The following ACVR1C variants were observed in gnomAD, a reference collection of about 807,000 sequenced individuals.
The protein encoded by ACVR1C is activin A receptor type 1C, also known as activin receptor type-1C.
In ACVR1C, 23 loss-of-function variants were observed where a neutral mutation model predicts 57.9. The observed-to-expected ratio is 0.40, with a 90% CI of 0.29 to 0.56. The LOEUF (loss-of-function observed/expected upper bound fraction) is 0.56. Ranked by LOEUF, ACVR1C falls within the 20% of genes least tolerant of loss-of-function variation. The pLI is 0.50. For missense variants in ACVR1C, 480 were observed against 607.9 expected, an observed-to-expected ratio of 0.79 and a Z score of 2.21; for synonymous variants, 214 against 215.3, an observed-to-expected ratio of 0.99 and a Z score of 0.05.
chr2:157,604,381 T>A (rs892046015), intron 1 of ACVR1C, among the ~76,000 whole-genome samples: 1 of 152,052 alleles, frequency 6.6e-6, no homozygotes, highest in African/African-American at 2.4e-5. Flanking sequence ...GTCTGGCTTT[T>A]GCATTTGGTT....
chr2:157,556,853 G>T (rs1377135915), intron 2 of ACVR1C, among the ~76,000 whole-genome samples: 2 of 151,838 alleles, frequency 1.3e-5, no homozygotes, highest in Non-Finnish European at 2.9e-5. Context: ...TATAGAGACA[G>T]GGTTTCACCA....
chr2:157,535,954 C>T (rs1687477267), intron 8 of ACVR1C, among the ~76,000 whole-genome samples: 1 of 152,138 alleles, frequency 6.6e-6, no homozygotes, highest in Non-Finnish European at 1.5e-5. Flanking sequence ...ATCGGCATAT[C>T]CCTATGGACT....
intron 1 of ACVR1C, among the ~76,000 whole-genome samples, chr2:157,625,805 A>G (rs1682883797): frequency 1.3e-5 from 2 of 152,222 alleles, no homozygotes; most frequent in South Asian, 4.1e-4. Flanking sequence ...TCTATGTAAC[A>G]TCCAAATCAC....
intron 1 of ACVR1C, among the ~76,000 whole-genome samples, chr2:157,588,603 C>A (rs1259008955): frequency 1.3e-5 from 2 of 148,534 alleles, no homozygotes; most frequent in African/African-American, 2.5e-5. Flanking sequence ...CCTCCCCCAC[C>A]TCCTGAGTCT....
rs77945557 is a variant in ACVR1C, at chr2:157,550,454, A to G, written c.545-62T>C. On this transcript the variant is annotated intron_variant, in intron 3 of 8. Coordinates refer to ENST00000243349, the MANE Select transcript of ACVR1C (RefSeq NM_145259.3). ...AAATGTCAGAAAAGAACTCTCAATA[A>G]TCACTGTTTTCAGATTTTAAAAAAG... 2.4e-3 allele frequency: 3,551 copies of G among 1,452,170 alleles called. 69 individuals are homozygous for G. In the African/African-American group the frequency reaches 0.044, roughly 18 times the overall value. The allele number at this position is 1,452,170 out of a possible 1,614,324, so 90.0% of individuals were successfully genotyped here. A position where few individuals can be genotyped will look rare whatever the true frequency, so the allele number is the denominator to read the frequency against.
At chr2:157,553,970 T>G (rs932716207) in intron 3 of ACVR1C, among the ~76,000 whole-genome samples, 6 of 150,912 alleles carry the variant, frequency 4.0e-5, no homozygotes, top group South Asian at 2.1e-4. Context: ...ATCACTTGAG[T>G]TCAGGAGTTT....
intron 1 of ACVR1C, among the ~76,000 whole-genome samples, chr2:157,621,568 CTA>C (rs1474855110): frequency 6.6e-6 from 1 of 152,160 alleles, no homozygotes; most frequent in Non-Finnish European, 1.5e-5. Context: ...ATGGTCATGG[CTA>C]TGTCTTCCTT....
intron 3 of ACVR1C, among the ~76,000 whole-genome samples, chr2:157,555,263 C>T (rs923956225): frequency 6.6e-6 from 1 of 150,976 alleles, no homozygotes; most frequent in East Asian, 1.9e-4. Flanking sequence ...GGACTACAGG[C>T]GCCCGCCACC....
At chr2:157,565,613 T>C (rs545285085) in intron 2 of ACVR1C, among the ~76,000 whole-genome samples, 2 of 152,324 alleles carry the variant, frequency 1.3e-5, no homozygotes, top group African/African-American at 4.8e-5. Context: ...CAAGCCATGA[T>C]AGAGGCAGAA....
chr2:157,545,028 A>G lies in ACVR1C; in HGVS notation c.776-416T>C, dbSNP rs367814993. ...TAAAGATCAGAAATATAACAAATTT[A>G]TGCAAAGTATTATTTCTATCATAAA... On this transcript the variant is annotated intron_variant, in intron 4 of 8. Coordinates refer to ENST00000243349, the MANE Select transcript of ACVR1C (RefSeq NM_145259.3). 8.5e-5 allele frequency among the ~76,000 whole-genome samples: 13 copies of G among 152,346 alleles called. 1 individual carries two copies. The highest frequency in any genetic ancestry group is 3.1e-4 in the African/African-American group (13 of 41,586).
Position 157,528,997 on chromosome 2 carries a change from T to A in ACVR1C, c.*4921A>T, listed in dbSNP as rs551124244. ...ATAGAGTGACTTGGGATTGATGAGA[T>A]CTGCCAAACATTTTTTAATGCACTA... On this transcript the variant is annotated 3_prime_UTR_variant, in exon 9 of 9. Transcript: ENST00000243349. 2.0e-5 allele frequency: 3 copies of A among 152,174 alleles called. No individual in the cohort carries two copies. In the East Asian group the frequency reaches 5.8e-4, roughly 29 times the overall value. 9.4% of individuals were successfully genotyped at this position (152,174 alleles called of 1,614,324 possible).
chr2:157,582,309 A>C (rs1197107438), intron 2 of ACVR1C, among the ~76,000 whole-genome samples: 1 of 152,126 alleles, frequency 6.6e-6, no homozygotes, highest in Non-Finnish European at 1.5e-5. Flanking sequence ...ATTTTTTTTT[A>C]ATTAAAAACA....
At chr2:157,601,188 G>T (rs923553699) in intron 1 of ACVR1C, among the ~76,000 whole-genome samples, 2 of 151,936 alleles carry the variant, frequency 1.3e-5, no homozygotes, top group Non-Finnish European at 2.9e-5. Context: ...TTGGTGGCAG[G>T]CTCCTGTAAT....
At chr2:157,619,354 A>C (rs150667702) in intron 1 of ACVR1C, among the ~76,000 whole-genome samples, 1 of 152,128 alleles carries the variant, frequency 6.6e-6, no homozygotes, top group East Asian at 1.9e-4. Context: ...TTTTTAACTC[A>C]GTATAAATAA....
intron 1 of ACVR1C, among the ~76,000 whole-genome samples, chr2:157,609,205 A>G (rs1461100259): frequency 6.6e-6 from 1 of 151,390 alleles, no homozygotes; most frequent in Non-Finnish European, 1.5e-5. Context: ...TTAAATTTCC[A>G]TCTTCATTTC....
chr2:157,554,259 GAAAGAAAGAAAGGAAGGAAGGA>G (rs1558975067), intron 3 of ACVR1C, among the ~76,000 whole-genome samples: 3 of 125,348 alleles, frequency 2.4e-5, no homozygotes, highest in African/African-American at 1.0e-4. Context: ...AAGAAAGAAA[GAAAGAAAGAAAGGAAGGAAGGA>G]AGAGAGAGAG....
chr2:157,527,333 T>C lies in ACVR1C; in HGVS notation c.*6585A>G, dbSNP rs1288366113. 1 of 152,210 alleles carries C rather than the reference T, an allele frequency of 6.6e-6. No individual in the cohort carries two copies. The highest frequency in any genetic ancestry group is 1.5e-5 in the Non-Finnish European group (1 of 68,018). The allele number at this position is 152,210 out of a possible 1,614,324, so 9.4% of individuals were successfully genotyped here. On this transcript the variant is annotated 3_prime_UTR_variant, in exon 9 of 9. Coordinates refer to ENST00000243349, the MANE Select transcript of ACVR1C (RefSeq NM_145259.3). ...TCGGCTGAAAGACAATCTTTTTACA[T>C]ACTTAAGAGTATCAGCTAGCTTACA... is the stretch of plus-strand genomic sequence containing the variant.
chr2:157,535,781 T>A (rs1222619908), intron 8 of ACVR1C, among the ~76,000 whole-genome samples: 5 of 152,080 alleles, frequency 3.3e-5, no homozygotes, highest in Admixed American at 6.6e-5. Flanking sequence ...AGATTCTGCC[T>A]CAAAAAAATA....
intron 1 of ACVR1C, among the ~76,000 whole-genome samples, chr2:157,616,889 T>G (rs1425673729): frequency 6.6e-6 from 1 of 151,460 alleles, no homozygotes; most frequent in East Asian, 1.9e-4. Context: ...AAAAAATTAC[T>G]AGTCAAAAAG....
Sources: gnomAD v4.1 joint callset for allele counts (sites outside exome capture counted in the v4.1 genomes callset) on GRCh38, gnomAD v4.1.1 for gene constraint, MANE v1.5 for transcripts, NCBI Gene and HGNC (gene_info 2026-07-23, HGNC 2026-07-21) for gene names.